Variants in HEATR4 observed in about 807,000 individuals in gnomAD.
HEATR4 encodes the protein HEAT repeat containing 4, also known as HEAT repeat-containing protein 4.
A neutral mutation model predicts 108.8 loss-of-function variants in HEATR4; 95 were observed. That is an observed-to-expected ratio of 0.87 (90% confidence interval 0.74 to 1.04). The LOEUF is 1.04. Among genes scored for constraint, HEATR4 ranks in the 50% least tolerant of loss-of-function variants. The pLI, the probability that HEATR4 is intolerant of heterozygous loss-of-function variation, is 0.00. For synonymous variants in HEATR4, 443 were observed against 459.4 expected (o/e 0.96, Z 0.46); for missense variants, 1,152 against 1,253.8 (o/e 0.92, Z 1.23).
At chr14:73,569,896 C>G in the HEATR4 span, 2 of 1,599,822 alleles carry the variant, frequency 1.3e-6, no homozygotes, top group South Asian at 1.1e-5. Context: ...GACTCACCTC[C>G]GCTAATTGTT....
the HEATR4 span, among the ~76,000 whole-genome samples, chr14:73,601,406 A>C: frequency 6.6e-6 from 1 of 152,190 alleles, no homozygotes; most frequent in Non-Finnish European, 1.5e-5. Context: ...TCTACTAAAA[A>C]TACAAAAATT....
chr14:73,515,671 CAAAAAA>C (rs35601077), intron 5 of HEATR4, among the ~76,000 whole-genome samples: 13 of 33,516 alleles, frequency 3.9e-4, no homozygotes, highest in Non-Finnish European at 6.0e-4. Flanking sequence ...GACTCCATCT[CAAAAAA>C]AAAAAAAAAA....
the HEATR4 span, among the ~76,000 whole-genome samples, chr14:73,623,413 G>T: frequency 6.6e-6 from 1 of 152,142 alleles, no homozygotes; most frequent in Non-Finnish European, 1.5e-5. Context: ...GGTGGGCATG[G>T]TGGCTCATGC....
At chr14:73,600,380 T>C in the HEATR4 span, among the ~76,000 whole-genome samples, 1 of 152,172 alleles carries the variant, frequency 6.6e-6, no homozygotes, top group Non-Finnish European at 1.5e-5. Flanking sequence ...CAAAGTTCTC[T>C]TTTAATTTTG....
chr14:73,590,107 G>T, the HEATR4 span, among the ~76,000 whole-genome samples: 1 of 152,174 alleles, frequency 6.6e-6, no homozygotes, highest in Non-Finnish European at 1.5e-5. Context: ...CCAACAAGTT[G>T]CCACTGCTAG....
intron 5 of HEATR4, 97 bp downstream of exon 5, chr14:73,518,926 T>C: frequency 8.0e-7 from 1 of 1,243,324 alleles, no homozygotes; most frequent in Non-Finnish European, 1.1e-6. Context: ...CTTCAGCCCA[T>C]GAACTGGGAG....
At chr14:73,567,425 ACT>A in the HEATR4 span, among the ~76,000 whole-genome samples, 1 of 151,992 alleles carries the variant, frequency 6.6e-6, no homozygotes, top group African/African-American at 2.4e-5. Flanking sequence ...ACCAATCAGC[ACT>A]CTGTGTCTAG....
the HEATR4 span, among the ~76,000 whole-genome samples, chr14:73,573,975 C>T: frequency 2.6e-4 from 40 of 152,088 alleles, no homozygotes; most frequent in African/African-American, 7.9e-4. Context: ...GATCCACCTG[C>T]TTTGACCTAC....
At position 73,556,418 on chromosome 14, in the gene HEATR4, T is replaced by G. The variant is rs1382188664; in HGVS notation, c.-152+2333A>C. Among the ~76,000 whole-genome samples, 3 of 109,802 alleles carry G rather than the reference T, an allele frequency of 2.7e-5. No individual in the cohort carries two copies. The South Asian group carries it at 8.7e-4, about 32-fold the overall frequency. 72.0% of individuals were successfully genotyped at this position (109,802 alleles called of 152,430 possible). A position where few individuals can be genotyped will look rare whatever the true frequency, so the allele number is the denominator to read the frequency against. On this transcript the variant is annotated intron_variant, in intron 1 of 17. Coordinates refer to ENST00000553558, the MANE Select transcript of HEATR4 (RefSeq NM_001220484.1). ...CCAGGCTGGGTGACAAGAGTGAAAC[T>G]TCTTCTCAAAAAAAAAAAACAAAAA... is the stretch of plus-strand genomic sequence containing the variant.
chr14:73,574,745 G>C, the HEATR4 span, among the ~76,000 whole-genome samples: 1 of 152,070 alleles, frequency 6.6e-6, no homozygotes, highest in African/African-American at 2.4e-5. Context: ...ATTGTGGAAA[G>C]GAAGAGATAG....
rs1321424603 is a variant in HEATR4, at chr14:73,551,665, G to A, written c.-152+7086C>T. ...TCTACTAAAAATACACAAATTAGCC[G>A]GGTGTGGTGGTGCGCACCTGTAGTC... On this transcript the variant is annotated intron_variant, in intron 1 of 17. Transcript: ENST00000553558. 1.8e-5 allele frequency among the ~76,000 whole-genome samples: 2 copies of A among 111,806 alleles called. 1 individual carries two copies. Among genetic ancestry groups the A allele is most frequent in the Non-Finnish European group, 3.9e-5 (2 of 51,750 alleles). The allele number at this position is 111,806 out of a possible 152,430, so 73.3% of individuals were successfully genotyped here.
the HEATR4 span, among the ~76,000 whole-genome samples, chr14:73,588,361 G>A: frequency 3.3e-5 from 5 of 152,092 alleles, no homozygotes; most frequent in South Asian, 2.1e-4. Flanking sequence ...CATCAGTACC[G>A]TCATGTGAAG....
chr14:73,482,000 A>G (rs1489830139), intron 17 of HEATR4, among the ~76,000 whole-genome samples: 3 of 152,168 alleles, frequency 2.0e-5, no homozygotes, highest in African/African-American at 2.4e-5. Context: ...CCCTGTCTCA[A>G]AATAAAAAAC....
chr14:73,629,596 G>C, the HEATR4 span, among the ~76,000 whole-genome samples: 2 of 152,008 alleles, frequency 1.3e-5, no homozygotes, highest in African/African-American at 4.8e-5. Flanking sequence ...GAAAGTTAAT[G>C]GTATGTTAGG....
the HEATR4 span, among the ~76,000 whole-genome samples, chr14:73,628,095 C>T: frequency 1.3e-5 from 2 of 152,170 alleles, no homozygotes; most frequent in African/African-American, 4.8e-5. Flanking sequence ...AGGCGTGAGC[C>T]ACTGTGTCTG....
At chr14:73,592,042 C>G in the HEATR4 span, 11 of 1,461,478 alleles carry the variant, frequency 7.5e-6, no homozygotes, top group East Asian at 5.8e-5. Flanking sequence ...GGCCTGGCCC[C>G]GGAGCAGCGG....
intron 1 of HEATR4, among the ~76,000 whole-genome samples, chr14:73,538,871 G>A (rs1888975152): frequency 8.9e-6 from 1 of 112,682 alleles, no homozygotes; most frequent in South Asian, 2.8e-4. Flanking sequence ...GGGAGTCTGA[G>A]GCAGGAGAAT....
In HEATR4 at chr14:73,547,622, C is replaced by T. The variant is rs567303280; in HGVS notation, c.-152+11129G>A. 5.1e-4 allele frequency among the ~76,000 whole-genome samples: 59 copies of T among 115,822 alleles called. 14 individuals carry two copies. Among genetic ancestry groups the T allele is most frequent in the African/African-American group, 1.6e-3 (57 of 35,784 alleles). 76.0% of individuals were successfully genotyped at this position (115,822 alleles called of 152,430 possible). ...AACATGGACCAGGCACAGTAGCTCA[C>T]GCCTGTAATCCCATCACTTTGGGAG... On this transcript the variant is annotated intron_variant, in intron 1 of 17. Coordinates refer to ENST00000553558, the MANE Select transcript of HEATR4 (RefSeq NM_001220484.1).
rs1210539315 is a variant in HEATR4, at chr14:73,541,891, C to CT, written c.-151-11648dup. Among the ~76,000 whole-genome samples the CT allele has an allele frequency of 1.8e-5, 2 of 113,930 alleles. 1 individual carries two copies. Among genetic ancestry groups the CT allele is most frequent in the Non-Finnish European group, 3.8e-5 (2 of 53,066 alleles). 74.7% of individuals were successfully genotyped at this position (113,930 alleles called of 152,430 possible). On this transcript the variant is annotated intron_variant, in intron 1 of 17. Transcript: ENST00000553558. ...TCTTTTTTTGAGATGGAGTCTCACT[C>CT]TGTTGCCAGGCTGGAGTCCAGTGGT...
Sources: allele counts gnomAD v4.1 joint callset (sites outside exome capture counted in the v4.1 genomes callset), GRCh38; gene constraint gnomAD v4.1.1; transcripts MANE v1.5; gene names NCBI Gene and HGNC (gene_info 2026-07-23, HGNC 2026-07-21).